The following MYT1L variants were observed in gnomAD, a reference collection of about 807,000 sequenced individuals.
The protein encoded by MYT1L is myelin transcription factor 1-like protein.
Under a neutral mutation model 126.7 loss-of-function variants are expected in MYT1L, and 12 were observed. That is an observed-to-expected ratio of 0.09 (90% CI 0.06 to 0.15). The LOEUF is 0.15. MYT1L is among the 10% of genes least tolerant of loss of function. The pLI is 1.00. For missense variants in MYT1L, 979 were observed against 1,585.2 expected (o/e 0.62, Z 6.49); for synonymous variants, 541 against 604.2 (o/e 0.90, Z 1.53).
chr2:2,020,273 C>T (rs1283236125), intron 4 of MYT1L, among the ~76,000 whole-genome samples: 2 of 152,168 alleles, frequency 1.3e-5, no homozygotes, highest in Non-Finnish European at 1.5e-5. Flanking sequence ...CTATTTTTCA[C>T]CAAACACTCA....
At position 1,943,134 on chromosome 2, in the gene MYT1L, C is replaced by T; in HGVS notation, c.353G>A (p.Gly118Glu). 1 of 1,528,814 alleles carries T rather than the reference C, an allele frequency of 6.5e-7. No individual in the cohort carries two copies. The highest frequency in any genetic ancestry group is 1.2e-5 in the South Asian group (1 of 83,478). The allele number at this position is 1,528,814 out of a possible 1,614,324, so 94.7% of individuals were successfully genotyped here. A position where few individuals can be genotyped will look rare whatever the true frequency, so the allele number is the denominator to read the frequency against. Reference protein sequence around the residue: ...EEYSEDNDEPGDEDEEDEEGD... With the variant: ...EEYSEDNDEPEDEDEEDEEGD... ...CTCCTCGTCCTCCTCGTCCTCATCCCCTGGCTCATCATTGTCCTCGGAGTA... is the reference window on the plus strand; with the variant it reads ...CTCCTCGTCCTCCTCGTCCTCATCCTCTGGCTCATCATTGTCCTCGGAGTA... Residue 118 changes from glycine to glutamate, a missense_variant, in exon 9 of 25, where the codon GGG becomes GAG. This residue lies in a region of MYT1L where 111 missense variants were observed against 115.9 expected (regional missense o/e 0.96). Transcript: ENST00000647738. This position sits in a 1 kb window ranked among gnomAD's most constrained non-coding sequence, Gnocchi z 4.4.
chr2:2,163,724 T>G, intron 3 of MYT1L, among the ~76,000 whole-genome samples: 1 of 145,522 alleles, frequency 6.9e-6, no homozygotes, highest in Non-Finnish European at 1.5e-5. Context: ...GGTGAAAGAG[T>G]GAGACTCCGT....
chr2:1,912,077 G>T lies in MYT1L; in HGVS notation c.1652C>A (p.Pro551His). Residue 551 changes from proline to histidine, a missense_variant, in exon 12 of 25, where the codon CCC becomes CAC. By Grantham distance (77) the Pro-to-His change is moderately conservative. Around this residue, in one of 12 missense-constraint regions of MYT1L, gnomAD observed 82 missense variants for 177.2 expected, o/e 0.46. Transcript: ENST00000647738. This position sits in a 1 kb window ranked among gnomAD's most constrained non-coding sequence, Gnocchi z 4.3. Reference protein sequence around the residue: ...LAMHESVLKCPTPGCTGRGHV... With the variant: ...LAMHESVLKCHTPGCTGRGHV... ...CCCGCGCCCCGTGCAGCCCGGAGTG[G>T]GGCACTTGAGGACACTTTCATGCAT... 1 of 1,593,214 alleles carries T rather than the reference G, an allele frequency of 6.3e-7. No homozygotes were observed. Among genetic ancestry groups the T allele is most frequent in the Non-Finnish European group, 8.6e-7 (1 of 1,165,670 alleles).
At chr2:1,932,614 G>A (rs1053357784) in intron 9 of MYT1L, among the ~76,000 whole-genome samples, 3 of 152,172 alleles carry the variant, frequency 2.0e-5, no homozygotes, top group African/African-American at 7.2e-5. Context: ...TGTGTTCCAC[G>A]AAAAATGAAG....
intron 3 of MYT1L, among the ~76,000 whole-genome samples, chr2:2,119,823 A>G (rs1044771743): frequency 6.6e-6 from 1 of 152,202 alleles, no homozygotes; most frequent in Non-Finnish European, 1.5e-5. Context: ...ACTAACATAC[A>G]TTACCTTTTA....
chr2:1,994,754 T>TA (rs1018845969), intron 5 of MYT1L, among the ~76,000 whole-genome samples: 3 of 152,086 alleles, frequency 2.0e-5, no homozygotes, highest in Admixed American at 6.5e-5. Flanking sequence ...AGTAATGTGG[T>TA]AAAAAAAATT....
chr2:2,001,507 GTGAAGAAATAAA>G (rs946095287), intron 4 of MYT1L, among the ~76,000 whole-genome samples: 3 of 152,216 alleles, frequency 2.0e-5, no homozygotes, highest in African/African-American at 7.2e-5. Flanking sequence ...CAATAATAGA[GTGAAGAAATAAA>G]GGAAGAAAGA....
chr2:2,224,227 C>A lies in MYT1L; in HGVS notation c.-420-51239G>T, dbSNP rs920363313. 2.0e-5 allele frequency among the ~76,000 whole-genome samples: 3 copies of A among 152,068 alleles called. No individual in the cohort carries two copies. The highest frequency in any genetic ancestry group is 6.6e-5 in the Admixed American group (1 of 15,264). On this transcript the variant is annotated intron_variant, in intron 2 of 24. Transcript: ENST00000647738. The surrounding 1 kb of genome is among the most constrained non-coding windows in gnomAD (Gnocchi z 4.0). ...GGAAGAATTCTGTGACGAGTTGGCCCCTCCTTGCCCATCTGAGAGCCCATT... is the reference window on the plus strand; with the variant it reads ...GGAAGAATTCTGTGACGAGTTGGCCACTCCTTGCCCATCTGAGAGCCCATT...
intron 3 of MYT1L, among the ~76,000 whole-genome samples, chr2:2,135,020 C>G (rs906590519): frequency 6.6e-6 from 1 of 152,190 alleles, no homozygotes; most frequent in Non-Finnish European, 1.5e-5. Flanking sequence ...ATCTAATCCA[C>G]TCCACCAAAT....
intron 2 of MYT1L, among the ~76,000 whole-genome samples, chr2:2,208,169 C>T (rs1416056302): frequency 6.6e-6 from 1 of 152,194 alleles, no homozygotes; most frequent in African/African-American, 2.4e-5. Flanking sequence ...ACCATTCATT[C>T]ACTGGGGAAG....
intron 5 of MYT1L, among the ~76,000 whole-genome samples, chr2:1,994,769 A>G (rs2061698659): frequency 6.6e-6 from 1 of 152,258 alleles, no homozygotes; most frequent in Non-Finnish European, 1.5e-5. Context: ...AAAATTTAAA[A>G]TTAAAAATTC....
In MYT1L at chr2:2,217,706, C is replaced by CAACA. The variant is rs747364867; in HGVS notation, c.-420-44719_-420-44718insTGTT. Among the ~76,000 whole-genome samples the CAACA allele has an allele frequency of 1.3e-3, 117 of 91,150 alleles. 3 individuals carry two copies. Among genetic ancestry groups the CAACA allele is most frequent in the Middle Eastern group, 5.3e-3 (1 of 190 alleles). 59.8% of individuals were successfully genotyped at this position (91,150 alleles called of 152,430 possible). Reference sequence around the variant, plus strand: ...ACAACAACAACAACAACAACAACAACAAAAAAAAAAAAAGAAAGAAGGAAA... The same window carrying CAACA: ...ACAACAACAACAACAACAACAACAACAACAAAAAAAAAAAAAAGAAAGAAGGAAA... On this transcript the variant is annotated intron_variant, in intron 2 of 24. Transcript: ENST00000647738.
chr2:1,878,525 G>T (rs142019175), intron 18 of MYT1L, among the ~76,000 whole-genome samples: 15 of 152,252 alleles, frequency 9.9e-5, no homozygotes, highest in African/African-American at 3.6e-4. Context: ...ATAAGTGTAA[G>T]GTTCTCTTGG....
chr2:1,902,288 T>C (rs1367474934), intron 14 of MYT1L, among the ~76,000 whole-genome samples: 4 of 152,236 alleles, frequency 2.6e-5, no homozygotes, highest in African/African-American at 4.8e-5. Flanking sequence ...CCCTTTCCCA[T>C]GAAGCCCGTG....
chr2:1,809,225 G>C, intron 21 of MYT1L, 58 bp from the exon 22 acceptor site: 2 of 1,519,126 alleles, frequency 1.3e-6, no homozygotes, highest in Non-Finnish European at 1.8e-6. Flanking sequence ...AGCCCTGCAG[G>C]GAAGTGGTGG....
chr2:2,008,882 A>T (rs1455332145), intron 4 of MYT1L, among the ~76,000 whole-genome samples: 1 of 152,052 alleles, frequency 6.6e-6, no homozygotes, highest in East Asian at 1.9e-4. Flanking sequence ...CAAGGATCCA[A>T]TTTTATTATC....
At chr2:2,297,956 C>T (rs1053165661) in intron 1 of MYT1L, among the ~76,000 whole-genome samples, 3 of 152,298 alleles carry the variant, frequency 2.0e-5, no homozygotes, top group South Asian at 2.1e-4. Flanking sequence ...AGTTACACAA[C>T]GAGGACCTGA....
At chr2:1,933,924 T>C (rs2055365836) in intron 9 of MYT1L, among the ~76,000 whole-genome samples, 1 of 151,912 alleles carries the variant, frequency 6.6e-6, no homozygotes, top group Non-Finnish European at 1.5e-5. Context: ...TTGGCCAGCA[T>C]GGATGCAGAG....
intron 18 of MYT1L, among the ~76,000 whole-genome samples, chr2:1,859,977 G>A (rs1440470707): frequency 6.6e-6 from 1 of 152,254 alleles, no homozygotes; most frequent in Admixed American, 6.5e-5. Flanking sequence ...GGGCTGCCAC[G>A]GCAGCGTCAC....
Sources: gnomAD v4.1 joint callset for allele counts (sites outside exome capture counted in the v4.1 genomes callset) on GRCh38, gnomAD v4.1.1 for gene constraint, gnomAD v4.1.1 regional missense constraint, Gnocchi (gnomAD v3.1) non-coding constraint, MANE v1.5 for transcripts, NCBI Gene and HGNC (gene_info 2026-07-23, HGNC 2026-07-21) for gene names.